Variants in ROBO1 observed in about 807,000 individuals in gnomAD.
ROBO1 encodes roundabout homolog 1.
ROBO1 carries 149 observed loss-of-function variants against 195.9 expected under a neutral mutation model. That is an observed-to-expected ratio of 0.76 (90% CI 0.67 to 0.87). ROBO1 has a LOEUF of 0.87. Among genes scored for constraint, ROBO1 ranks in the 40% least tolerant of loss-of-function variants. The probability of loss-of-function intolerance (pLI) is 0.00; values close to 1 mark genes in which losing one functional copy is unlikely to be tolerated. For missense variants in ROBO1, 1,933 were observed against 2,068.3 expected, an observed-to-expected ratio of 0.93 and a Z score of 1.27; for synonymous variants, 816 against 733.2, an observed-to-expected ratio of 1.11 and a Z score of -1.82.
intron 3 of ROBO1, among the ~76,000 whole-genome samples, chr3:79,107,559 A>T (rs941339469): frequency 6.6e-6 from 1 of 151,716 alleles, no homozygotes; most frequent in African/African-American, 2.4e-5. Context: ...TTTTAAGTAG[A>T]ATTTGCTCGC....
chr3:79,086,492 A>G (rs1265569993), intron 3 of ROBO1, among the ~76,000 whole-genome samples: 1 of 152,184 alleles, frequency 6.6e-6, no homozygotes, highest in African/African-American at 2.4e-5. Context: ...GACCTTACAC[A>G]AAAAGCTTGA....
In ROBO1 at chr3:78,872,287, G is replaced by A. The variant is rs188207861; in HGVS notation, c.499+66314C>T. On this transcript the variant is annotated intron_variant, in intron 4 of 30. Coordinates refer to ENST00000464233, the MANE Select transcript of ROBO1 (RefSeq NM_002941.4). The stretch of plus-strand genomic sequence containing the variant: ...GTTACAGTAAGTAGGGCCACTCCTG[G>A]GGGAACACAGACAACCTTCCCAGAA... Among the ~76,000 whole-genome samples the A allele has an allele frequency of 1.4e-3, 209 of 152,252 alleles. 3 individuals carry two copies. The highest frequency in any genetic ancestry group is 6.8e-3 in the Middle Eastern group (2 of 294).
At chr3:79,354,059 A>T (rs938261006) in intron 2 of ROBO1, among the ~76,000 whole-genome samples, 3 of 150,932 alleles carry the variant, frequency 2.0e-5, no homozygotes, top group African/African-American at 7.3e-5. Context: ...AAAAAAAAAA[A>T]GTTATTAAGT....
At chr3:79,315,377 C>T (rs929591442) in intron 2 of ROBO1, among the ~76,000 whole-genome samples, 26 of 152,202 alleles carry the variant, frequency 1.7e-4, no homozygotes, top group Non-Finnish European at 3.8e-4. Flanking sequence ...CAGGAGACCA[C>T]TTACGGGACT....
rs1702634958 is a variant in ROBO1 at position 79,719,972 on chromosome 3, G to A, written c.-51+47780C>T. ...GGGTAAAGACTAGAGACTTTTCTCA[G>A]AATAAAGGTTACAAATGTGTACTAT... is the stretch of plus-strand genomic sequence containing the variant. On this transcript the variant is annotated intron_variant, in intron 1 of 30. Coordinates refer to ENST00000464233, the MANE Select transcript of ROBO1 (RefSeq NM_002941.4). 2.0e-5 allele frequency among the ~76,000 whole-genome samples: 3 copies of A among 152,250 alleles called. No individual in the cohort carries two copies. The South Asian group carries it at 6.2e-4, about 32-fold the overall frequency.
intron 4 of ROBO1, among the ~76,000 whole-genome samples, chr3:78,759,941 G>A (rs878908779): frequency 5.3e-5 from 8 of 152,156 alleles, no homozygotes; most frequent in Non-Finnish European, 1.0e-4. Flanking sequence ...TGGAGAGTGA[G>A]AATCTGGACA....
chr3:79,323,262 A>G (rs1178596657), intron 2 of ROBO1, among the ~76,000 whole-genome samples: 2 of 151,922 alleles, frequency 1.3e-5, no homozygotes, highest in Non-Finnish European at 2.9e-5. Flanking sequence ...TTGTATTTTT[A>G]GTAGAGACGG....
At chr3:78,713,624 G>A (rs577670913) in intron 8 of ROBO1, among the ~76,000 whole-genome samples, 29 of 152,042 alleles carry the variant, frequency 1.9e-4, no homozygotes, top group African/African-American at 6.3e-4. Flanking sequence ...TAATCAGTAC[G>A]ACATCACAGA....
intron 2 of ROBO1, among the ~76,000 whole-genome samples, chr3:79,127,862 T>C (rs1485878909): frequency 2.6e-5 from 4 of 152,226 alleles, no homozygotes; most frequent in Non-Finnish European, 5.9e-5. Context: ...CAGGAAAGAA[T>C]AGATCTTTGC....
chr3:79,397,280 A>G (rs2037192736), intron 2 of ROBO1, among the ~76,000 whole-genome samples: 1 of 151,488 alleles, frequency 6.6e-6, no homozygotes, highest in African/African-American at 2.4e-5. Context: ...GCTGTTTTCT[A>G]TGATTAAGTA....
chr3:79,149,863 C>T (rs1255953939), intron 2 of ROBO1, among the ~76,000 whole-genome samples: 1 of 151,794 alleles, frequency 6.6e-6, no homozygotes, highest in Non-Finnish European at 1.5e-5. Context: ...AGAGTTACTC[C>T]TGATGGCAGG....
intron 2 of ROBO1, among the ~76,000 whole-genome samples, chr3:79,272,455 T>G (rs932036541): frequency 2.2e-4 from 33 of 151,922 alleles, no homozygotes; most frequent in African/African-American, 7.7e-4. Context: ...GAACCAAAAG[T>G]CAGGTAAGCA....
chr3:78,875,053 TAAACC>T (rs373899847), intron 4 of ROBO1, among the ~76,000 whole-genome samples: 1 of 152,164 alleles, frequency 6.6e-6, no homozygotes, highest in African/African-American at 2.4e-5. Context: ...ACTGCAATGT[TAAACC>T]AAACTATCAT....
intron 4 of ROBO1, among the ~76,000 whole-genome samples, chr3:78,815,150 T>C (rs764973090): frequency 6.6e-6 from 1 of 152,104 alleles, no homozygotes; most frequent in Non-Finnish European, 1.5e-5. Flanking sequence ...ACAAAAATAC[T>C]GAAATTCAGC....
intron 3 of ROBO1, among the ~76,000 whole-genome samples, chr3:79,040,081 A>G (rs2078457066): frequency 6.6e-6 from 1 of 152,132 alleles, no homozygotes. Context: ...CCAATCAGAG[A>G]AATATAAGAA....
At chr3:78,909,253 A>G (rs556434900) in intron 4 of ROBO1, among the ~76,000 whole-genome samples, 16 of 152,022 alleles carry the variant, frequency 1.1e-4, no homozygotes, top group African/African-American at 3.9e-4. Flanking sequence ...AACAGAAAAA[A>G]AAATTCACAT....
intron 2 of ROBO1, among the ~76,000 whole-genome samples, chr3:79,515,822 G>T (rs942256316): frequency 1.3e-5 from 2 of 152,048 alleles, no homozygotes; most frequent in Non-Finnish European, 2.9e-5. Flanking sequence ...TAGCTAGTTG[G>T]TATGTAGTCA....
chr3:79,503,672 CAACTCCCA>C (rs1275923046), intron 2 of ROBO1, among the ~76,000 whole-genome samples: 2 of 152,128 alleles, frequency 1.3e-5, no homozygotes, highest in African/African-American at 2.4e-5. Context: ...GAAAAAGCAG[CAACTCCCA>C]AAGTCTGTTT....
At chr3:79,756,550 C>CAAAAA (rs147939503) in intron 1 of ROBO1, among the ~76,000 whole-genome samples, 2 of 106,392 alleles carry the variant, frequency 1.9e-5, no homozygotes, top group African/African-American at 3.7e-5. Context: ...AGCACCATCT[C>CAAAAA]AAAAAAAAAA....
Sources: allele counts gnomAD v4.1 joint callset (sites outside exome capture counted in the v4.1 genomes callset), GRCh38; gene constraint gnomAD v4.1.1; transcripts MANE v1.5; gene names NCBI Gene and HGNC (gene_info 2026-07-23, HGNC 2026-07-21).